The following CNTNAP5 variants were observed in gnomAD, a reference collection of about 807,000 sequenced individuals.
CNTNAP5 encodes the protein contactin-associated protein-like 5.
CNTNAP5 carries 72 observed loss-of-function variants against 150.2 expected under a neutral mutation model. The ratio of observed to expected loss-of-function variants is 0.48; its 90% CI spans 0.40 to 0.58. CNTNAP5 has a LOEUF of 0.58. Ranked by LOEUF, CNTNAP5 falls within the 20% of genes least tolerant of loss-of-function variation. CNTNAP5 has a pLI of 0.00. For missense variants in CNTNAP5, 1,636 were observed against 1,626.2 expected (o/e 1.01, Z -0.10); for synonymous variants, 672 against 619.8 (o/e 1.08, Z -1.25).
intron 3 of CNTNAP5, among the ~76,000 whole-genome samples, chr2:124,348,684 G>A (rs886438520): frequency 3.3e-5 from 5 of 152,012 alleles, no homozygotes; most frequent in African/African-American, 7.2e-5. Flanking sequence ...GAAGATATCC[G>A]AGTTCATGGT....
intron 1 of CNTNAP5, among the ~76,000 whole-genome samples, chr2:124,212,694 T>C (rs1292053907): frequency 1.3e-5 from 2 of 152,194 alleles, no homozygotes; most frequent in Non-Finnish European, 2.9e-5. Context: ...CCTCGACTTC[T>C]GATAAAGCCG....
intron 1 of CNTNAP5, among the ~76,000 whole-genome samples, chr2:124,177,091 G>A (rs1035297665): frequency 1.4e-4 from 21 of 151,974 alleles, no homozygotes; most frequent in Admixed American, 3.3e-4. Flanking sequence ...CAGGTGATCC[G>A]CTCGCCTTGG....
chr2:124,722,406 G>A (rs1680067460), intron 13 of CNTNAP5, among the ~76,000 whole-genome samples: 1 of 152,062 alleles, frequency 6.6e-6, no homozygotes, highest in African/African-American at 2.4e-5. Context: ...AAATATAATG[G>A]CAGACAATCA....
At chr2:124,858,452 A>T (rs1677432206) in intron 19 of CNTNAP5, among the ~76,000 whole-genome samples, 1 of 152,208 alleles carries the variant, frequency 6.6e-6, no homozygotes, top group Non-Finnish European at 1.5e-5. Context: ...TCCCATCCAC[A>T]ATTGCTTCAA....
At chr2:124,275,693 T>C (rs1687868327) in intron 3 of CNTNAP5, among the ~76,000 whole-genome samples, 1 of 152,092 alleles carries the variant, frequency 6.6e-6, no homozygotes. Context: ...CTGCCAAGAG[T>C]ACCTCTTTAC....
At chr2:124,439,349 C>G (rs1692618355) in intron 5 of CNTNAP5, among the ~76,000 whole-genome samples, 1 of 152,168 alleles carries the variant, frequency 6.6e-6, no homozygotes, top group African/African-American at 2.4e-5. Flanking sequence ...TTATCAGTCT[C>G]TATTTTCAAG....
intron 1 of CNTNAP5, among the ~76,000 whole-genome samples, chr2:124,136,599 A>G (rs974493026): frequency 4.6e-5 from 7 of 152,194 alleles, no homozygotes; most frequent in African/African-American, 1.2e-4. Context: ...AGTGAAAAAC[A>G]GAATGTTTGT....
At position 124,760,480 on chromosome 2, in the gene CNTNAP5, T is replaced by C. The variant is rs371507593; in HGVS notation, c.2235-3192T>C. ...TACCCCGCCCCCACCACTCTGCCAC[T>C]CTAAATTTGGTGAAATACCAAAATT... On this transcript the variant is annotated intron_variant, in intron 14 of 23. Transcript: ENST00000682447. Among the ~76,000 whole-genome samples, 27 of 151,972 alleles carry C rather than the reference T, an allele frequency of 1.8e-4. No individual in the cohort carries two copies. In the East Asian group the frequency reaches 4.8e-3, roughly 27 times the overall value.
At chr2:124,349,497 T>A (rs189975496) in intron 3 of CNTNAP5, among the ~76,000 whole-genome samples, 1 of 152,334 alleles carries the variant, frequency 6.6e-6, no homozygotes, top group East Asian at 1.9e-4. Context: ...GAACTGATGT[T>A]CACATCCCTC....
intron 2 of CNTNAP5, among the ~76,000 whole-genome samples, chr2:124,230,025 A>G (rs1686575268): frequency 6.6e-6 from 1 of 152,100 alleles, no homozygotes; most frequent in African/African-American, 2.4e-5. Context: ...GTGTGTTTCT[A>G]GCATGACAGT....
At chr2:124,268,174 CAAAGA>C (rs1687660214) in intron 3 of CNTNAP5, among the ~76,000 whole-genome samples, 2 of 152,206 alleles carry the variant, frequency 1.3e-5, no homozygotes, top group Non-Finnish European at 2.9e-5. Flanking sequence ...TTGAAACAGT[CAAAGA>C]AGAGAACTGC....
At chr2:124,896,088 G>T (rs1026119556) in intron 21 of CNTNAP5, among the ~76,000 whole-genome samples, 1 of 151,546 alleles carries the variant, frequency 6.6e-6, no homozygotes, top group African/African-American at 2.4e-5. Flanking sequence ...AAAATGCTGA[G>T]AATAATGAAG....
intron 13 of CNTNAP5, among the ~76,000 whole-genome samples, chr2:124,724,144 A>AAATAATAATAATAATAATAAT (rs60984074): frequency 4.8e-5 from 7 of 145,734 alleles, no homozygotes; most frequent in African/African-American, 1.8e-4. Context: ...ACTCCATCTC[A>AAATAATAATAATAATAATAAT]AATAATAATA....
At position 124,065,180 on chromosome 2, in the gene CNTNAP5, G is replaced by A. The variant is rs542215196; in HGVS notation, c.82+39448G>A. Among the ~76,000 whole-genome samples, 284 of 152,110 alleles carry A rather than the reference G, an allele frequency of 1.9e-3. 1 individual carries two copies. The highest frequency in any genetic ancestry group is 3.0e-3 in the Non-Finnish European group (206 of 67,990). ...GGGAAGGGGAAAGTACAGACACTGA[G>A]GATAAATAAAAGCAGTTAGAATTCA... On this transcript the variant is annotated intron_variant, in intron 1 of 23. Coordinates refer to ENST00000682447, the MANE Select transcript of CNTNAP5 (RefSeq NM_001367498.1).
intron 1 of CNTNAP5, among the ~76,000 whole-genome samples, chr2:124,034,543 G>T (rs1292271052): frequency 6.6e-6 from 1 of 152,166 alleles, no homozygotes; most frequent in East Asian, 1.9e-4. Flanking sequence ...TCCTGGGTTG[G>T]GTCATAGCAT....
chr2:124,077,999 C>A (rs1682477589), intron 1 of CNTNAP5, among the ~76,000 whole-genome samples: 1 of 152,120 alleles, frequency 6.6e-6, no homozygotes, highest in Non-Finnish European at 1.5e-5. Context: ...ACAATGAAGT[C>A]AAATGTGTTA....
At chr2:124,611,055 G>C (rs1366229334) in intron 12 of CNTNAP5, among the ~76,000 whole-genome samples, 1 of 123,636 alleles carries the variant, frequency 8.1e-6, no homozygotes, top group Non-Finnish European at 1.7e-5. Flanking sequence ...TCAAGCACTG[G>C]TCTTCAGAGA....
At chr2:124,335,396 C>T (rs971887697) in intron 3 of CNTNAP5, among the ~76,000 whole-genome samples, 1 of 151,644 alleles carries the variant, frequency 6.6e-6, no homozygotes, top group African/African-American at 2.4e-5. Context: ...AAAAATTGGG[C>T]TCCCAGCTAG....
intron 14 of CNTNAP5, among the ~76,000 whole-genome samples, chr2:124,753,290 C>T (rs1464662564): frequency 1.3e-5 from 2 of 152,132 alleles, no homozygotes; most frequent in Non-Finnish European, 2.9e-5. Flanking sequence ...CTTTAAGCTA[C>T]TACTTACTCT....
Sources: gnomAD v4.1 joint callset for allele counts (sites outside exome capture counted in the v4.1 genomes callset) on GRCh38, gnomAD v4.1.1 for gene constraint, MANE v1.5 for transcripts, NCBI Gene and HGNC (gene_info 2026-07-23, HGNC 2026-07-21) for gene names.